The following TMEM132C variants were observed in gnomAD, a reference collection of about 807,000 sequenced individuals.
TMEM132C encodes transmembrane protein 132C.
TMEM132C carries 29 observed loss-of-function variants against 61.4 expected under a neutral mutation model. The ratio of observed to expected loss-of-function variants is 0.47; its 90% CI spans 0.35 to 0.64. TMEM132C has a LOEUF of 0.64. Among genes scored for constraint, TMEM132C ranks in the 30% least tolerant of loss-of-function variants. The pLI is 0.00. For synonymous variants in TMEM132C, 656 were observed against 633.1 expected, an observed-to-expected ratio of 1.04 and a Z score of -0.54; for missense variants, 1,408 against 1,476.9, an observed-to-expected ratio of 0.95 and a Z score of 0.76.
In TMEM132C at chr12:128,584,897, A is replaced by G. The variant is rs114252535; in HGVS notation, c.1122-31255A>G. Among the ~76,000 whole-genome samples the G allele has an allele frequency of 7.1e-3, 1,089 of 152,322 alleles. 10 individuals are homozygous for G. Among genetic ancestry groups the G allele is most frequent in the African/African-American group, 0.025 (1,039 of 41,576 alleles). ...GGGCAGTTAGAAGCTGGCTTTCCCC[A>G]GAGCACACAGCAGAAGGTGCCACGA... On this transcript the variant is annotated intron_variant, in intron 3 of 8. Transcript: ENST00000435159.
chr12:128,443,745 G>A (rs910347131), intron 2 of TMEM132C, among the ~76,000 whole-genome samples: 14 of 152,084 alleles, frequency 9.2e-5, no homozygotes, highest in African/African-American at 3.4e-4. Context: ...AGTCCTAAAG[G>A]CTCGCTGTCT....
At chr12:128,392,675 A>G (rs1874807180) in intron 1 of TMEM132C, among the ~76,000 whole-genome samples, 1 of 152,224 alleles carries the variant, frequency 6.6e-6, no homozygotes, top group African/African-American at 2.4e-5. Flanking sequence ...ATACAAAAGG[A>G]TATTATTTCA....
intron 3 of TMEM132C, among the ~76,000 whole-genome samples, chr12:128,549,481 T>C (rs997061436): frequency 3.9e-5 from 6 of 152,118 alleles, no homozygotes; most frequent in African/African-American, 1.4e-4. Flanking sequence ...ACAGTTTCCA[T>C]CTGTGGGAAG....
intron 1 of TMEM132C, among the ~76,000 whole-genome samples, 153 bp downstream of exon 1, chr12:128,267,640 C>T (rs1368911542): frequency 6.6e-6 from 1 of 152,156 alleles, no homozygotes; most frequent in Non-Finnish European, 1.5e-5. Context: ...TGCCGAGCCG[C>T]CCCTAATCCA....
chr12:128,508,872 T>G lies in TMEM132C; in HGVS notation c.975-35085T>G, dbSNP rs572066314. ...CCATATCATATCATGTCATGTCATGTCGTGTCATGTCATGTCAGTCTCTCC... is the reference window on the plus strand; with the variant it reads ...CCATATCATATCATGTCATGTCATGGCGTGTCATGTCATGTCAGTCTCTCC... On this transcript the variant is annotated intron_variant, in intron 2 of 8. Transcript: ENST00000435159. 3.9e-5 allele frequency among the ~76,000 whole-genome samples: 6 copies of G among 152,276 alleles called. No individual in the cohort carries two copies. In the South Asian group the frequency reaches 1.2e-3, roughly 32 times the overall value.
chr12:128,676,572 A>G (rs1208803527), intron 5 of TMEM132C, among the ~76,000 whole-genome samples: 1 of 152,226 alleles, frequency 6.6e-6, no homozygotes. Context: ...TCTTACACAC[A>G]TATACCCACA....
At chr12:128,666,226 C>T (rs1954472522) in intron 4 of TMEM132C, among the ~76,000 whole-genome samples, 1 of 151,300 alleles carries the variant, frequency 6.6e-6, no homozygotes, top group Non-Finnish European at 1.5e-5. Context: ...CCCACACACA[C>T]AGGCACACAC....
chr12:128,667,288 C>T (rs1954488494), intron 4 of TMEM132C, among the ~76,000 whole-genome samples: 1 of 152,168 alleles, frequency 6.6e-6, no homozygotes, highest in Non-Finnish European at 1.5e-5. Context: ...GAATGTACTG[C>T]TTTAATGAAG....
rs1868725654 is a variant in TMEM132C at position 128,415,197 on chromosome 12, G to A, written c.551G>A (p.Ser184Asn). The part of the protein sequence containing the change: ...AFRETREVRG[S>N]CRLKGDLGLC... ...CGAGAAACCAGAGAGGTGCGGGGCA[G>A]CTGCCGGCTGAAGGGGGACCTGGGG... Residue 184 changes from serine to asparagine, a missense_variant, in exon 2 of 9, where the codon AGC becomes AAC. Coordinates refer to ENST00000435159, the MANE Select transcript of TMEM132C (RefSeq NM_001136103.3). This position sits in a 1 kb window ranked among gnomAD's most constrained non-coding sequence, Gnocchi z 5.8. 4 of 1,610,812 alleles carry A rather than the reference G, an allele frequency of 2.5e-6. No homozygotes were observed. The highest frequency in any genetic ancestry group is 1.7e-5 in the Admixed American group (1 of 59,760).
At chr12:128,607,635 TGAAA>T (rs1214716540) in intron 3 of TMEM132C, among the ~76,000 whole-genome samples, 1 of 152,144 alleles carries the variant, frequency 6.6e-6, no homozygotes, top group Admixed American at 6.5e-5. Context: ...GTGTGGCATG[TGAAA>T]GAAAGAGAGC....
At chr12:128,539,713 A>G (rs1593092053) in intron 2 of TMEM132C, among the ~76,000 whole-genome samples, 1 of 152,148 alleles carries the variant, frequency 6.6e-6, no homozygotes, top group African/African-American at 2.4e-5. Flanking sequence ...AATATTCAAG[A>G]CATTTTTTAT....
chr12:128,492,025 G>A (rs549337476), intron 2 of TMEM132C, among the ~76,000 whole-genome samples: 193 of 151,840 alleles, frequency 1.3e-3, no homozygotes, highest in South Asian at 2.1e-3. Context: ...GACAGGCCCC[G>A]GTGTGTGATG....
In TMEM132C at chr12:128,705,062, G is replaced by C. The variant is rs767035702; in HGVS notation, c.2122-28G>C. Reference sequence around the variant, plus strand: ...CTAAGGGAAAAGGCATCCCCCAGGTGGTCTTCTAACTGCCTGTGTCCCTGC... The same window carrying C: ...CTAAGGGAAAAGGCATCCCCCAGGTCGTCTTCTAACTGCCTGTGTCCCTGC... On this transcript the variant is annotated intron_variant, in intron 8 of 8. Coordinates refer to ENST00000435159, the MANE Select transcript of TMEM132C (RefSeq NM_001136103.3). The C allele has an allele frequency of 1.3e-5, 19 of 1,492,238 alleles. No individual in the cohort carries two copies. The South Asian group carries it at 2.4e-4, about 19-fold the overall frequency. 92.4% of individuals were successfully genotyped at this position (1,492,238 alleles called of 1,614,324 possible). A position where few individuals can be genotyped will look rare whatever the true frequency, so the allele number is the denominator to read the frequency against.
chr12:128,368,745 T>A (rs932255744), intron 1 of TMEM132C, among the ~76,000 whole-genome samples: 2 of 152,190 alleles, frequency 1.3e-5, no homozygotes, highest in Non-Finnish European at 2.9e-5. Context: ...TTTAGGTAAC[T>A]GTTTTATGTT....
intron 1 of TMEM132C, among the ~76,000 whole-genome samples, chr12:128,346,634 T>TACTACCC (rs1873167584): frequency 2.0e-5 from 3 of 152,216 alleles, no homozygotes; most frequent in Admixed American, 2.0e-4. Context: ...GTTACCTGTA[T>TACTACCC]TCCTAGATAT....
intron 5 of TMEM132C, among the ~76,000 whole-genome samples, chr12:128,684,317 A>G (rs1272136390): frequency 7.1e-6 from 1 of 141,468 alleles, no homozygotes; most frequent in Non-Finnish European, 1.5e-5. Flanking sequence ...GATGAGGAAA[A>G]TGAATCCTAA....
intron 1 of TMEM132C, among the ~76,000 whole-genome samples, chr12:128,301,749 TA>T (rs1282188490): frequency 2.0e-5 from 3 of 152,172 alleles, no homozygotes; most frequent in Non-Finnish European, 2.9e-5. Flanking sequence ...GGTAGCTGAC[TA>T]AGGTATTGTA....
intron 2 of TMEM132C, among the ~76,000 whole-genome samples, chr12:128,468,689 G>A (rs1219346232): frequency 6.6e-6 from 1 of 152,138 alleles, no homozygotes; most frequent in Non-Finnish European, 1.5e-5. Context: ...TAACATGAGA[G>A]GCTTTGGCAA....
chr12:128,527,661 T>A (rs1024574857), intron 2 of TMEM132C, among the ~76,000 whole-genome samples: 1 of 151,674 alleles, frequency 6.6e-6, no homozygotes, highest in African/African-American at 2.4e-5. Flanking sequence ...AAGTTAGCAG[T>A]GGGGTGTTTG....
Sources: gnomAD v4.1 joint callset for allele counts (sites outside exome capture counted in the v4.1 genomes callset) on GRCh38, gnomAD v4.1.1 for gene constraint, Gnocchi (gnomAD v3.1) non-coding constraint, MANE v1.5 for transcripts, NCBI Gene and HGNC (gene_info 2026-07-23, HGNC 2026-07-21) for gene names.